The following CPNE4 variants were observed in gnomAD, a reference collection of about 807,000 sequenced individuals.
CPNE4 encodes copine-4.
CPNE4 carries 25 observed loss-of-function variants against 67.9 expected under a neutral mutation model. The ratio of observed to expected loss-of-function variants is 0.37; its 90% CI spans 0.27 to 0.51. The LOEUF is 0.51. Ranked by LOEUF, CPNE4 falls within the 20% of genes least tolerant of loss-of-function variation. CPNE4 has a pLI of 0.93. For synonymous variants in CPNE4, 242 were observed against 244.9 expected (o/e 0.99, Z 0.11); for missense variants, 464 against 690.8 (o/e 0.67, Z 3.68).
chr3:131,954,998 C>T lies in CPNE4; in HGVS notation c.-1-49554G>A, dbSNP rs147766118. Among the ~76,000 whole-genome samples the T allele has an allele frequency of 8.3e-3, 1,238 of 149,692 alleles. 10 individuals are homozygous for T. The highest frequency in any genetic ancestry group is 0.012 in the Non-Finnish European group (793 of 67,578). On this transcript the variant is annotated intron_variant, in intron 1 of 15. Coordinates refer to ENST00000429747, the MANE Select transcript of CPNE4 (RefSeq NM_130808.3). ...AAAAAAAAAAAGAATTCCTTCTTCACAGATACGCACACCAATTTCAGCTGA... is the reference window on the plus strand; with the variant it reads ...AAAAAAAAAAAGAATTCCTTCTTCATAGATACGCACACCAATTTCAGCTGA...
intron 1 of CPNE4, among the ~76,000 whole-genome samples, chr3:131,934,081 C>T (rs1337453427): frequency 6.6e-6 from 1 of 152,016 alleles, no homozygotes; most frequent in Non-Finnish European, 1.5e-5. Context: ...AGAAGGGAGG[C>T]ACTGCAAAGG....
At chr3:131,656,053 C>CTTT (rs11360041) in intron 7 of CPNE4, among the ~76,000 whole-genome samples, 4 of 131,660 alleles carry the variant, frequency 3.0e-5, no homozygotes, top group South Asian at 2.4e-4. Flanking sequence ...AATACTGTTT[C>CTTT]TTTTTTTTTT....
intron 2 of CPNE4, among the ~76,000 whole-genome samples, chr3:131,728,096 C>T (rs746336447): frequency 6.6e-5 from 10 of 152,144 alleles, no homozygotes; most frequent in Non-Finnish European, 1.5e-4. Flanking sequence ...TTTTGCTTAA[C>T]TTTTTAAGTT....
At chr3:131,779,762 A>G (rs911413688) in intron 2 of CPNE4, among the ~76,000 whole-genome samples, 3 of 152,132 alleles carry the variant, frequency 2.0e-5, no homozygotes, top group Non-Finnish European at 4.4e-5. Context: ...TCCATTCTGG[A>G]CATTGACTTG....
intron 3 of CPNE4, among the ~76,000 whole-genome samples, chr3:131,708,584 A>G (rs2081471769): frequency 6.6e-6 from 1 of 152,092 alleles, no homozygotes; most frequent in Non-Finnish European, 1.5e-5. Context: ...CTGTACCCTC[A>G]GCCTCTGAAT....
chr3:131,878,848 C>A (rs1437227594), intron 2 of CPNE4, among the ~76,000 whole-genome samples: 1 of 152,222 alleles, frequency 6.6e-6, no homozygotes, highest in Non-Finnish European at 1.5e-5. Context: ...TTCACTCATG[C>A]AATGAAATAT....
intron 7 of CPNE4, among the ~76,000 whole-genome samples, chr3:131,625,720 A>T (rs1427122991): frequency 9.2e-5 from 14 of 152,186 alleles, no homozygotes; most frequent in Admixed American, 9.2e-4. Flanking sequence ...ATATATATCT[A>T]TAAAGGTTAA....
chr3:131,750,501 T>C (rs942121207), intron 2 of CPNE4, among the ~76,000 whole-genome samples: 4 of 152,312 alleles, frequency 2.6e-5, no homozygotes, highest in Non-Finnish European at 2.9e-5. Flanking sequence ...AGGTATTACA[T>C]TGTATATACC....
At chr3:131,762,479 G>A (rs1269782558) in intron 2 of CPNE4, among the ~76,000 whole-genome samples, 24 of 151,966 alleles carry the variant, frequency 1.6e-4, no homozygotes, top group Admixed American at 1.5e-3. Context: ...TCATTTGCTT[G>A]TTCATCCATT....
chr3:132,002,328 G>C (rs939486866), intron 1 of CPNE4, among the ~76,000 whole-genome samples: 5 of 152,112 alleles, frequency 3.3e-5, no homozygotes, highest in Admixed American at 2.0e-4. Context: ...AGGAACTAAG[G>C]CTCTCATTAA....
At chr3:131,653,143 CTTTTTTTTTTT>C (rs1206489252) in intron 7 of CPNE4, among the ~76,000 whole-genome samples, 1 of 98,614 alleles carries the variant, frequency 1.0e-5, no homozygotes, top group African/African-American at 4.2e-5. Flanking sequence ...GATAGGACTT[CTTTTTTTTTTT>C]TTTTTTTTTT....
intron 3 of CPNE4, among the ~76,000 whole-genome samples, chr3:131,710,224 A>G (rs1282367615): frequency 6.6e-6 from 1 of 152,170 alleles, no homozygotes. Flanking sequence ...TTATTTTCAG[A>G]TTATTGTTAC....
chr3:131,894,021 G>A (rs1031873113), intron 2 of CPNE4, among the ~76,000 whole-genome samples: 8 of 151,886 alleles, frequency 5.3e-5, no homozygotes, highest in African/African-American at 1.4e-4. Flanking sequence ...TCAGTGAAAT[G>A]AAGTCACTTT....
chr3:131,535,300 C>T lies in CPNE4; in HGVS notation c.1569G>A (p.Val523=). The T allele has an allele frequency of 2.5e-6, 4 of 1,613,752 alleles. No homozygotes were observed. The highest frequency in any genetic ancestry group is 3.4e-6 in the Non-Finnish European group (4 of 1,179,954). The part of the protein sequence containing the change: ...HASPAALAKS[V]LAEVPNQVVD... ...CAACTTGGTTTGGGACTTCAGCCAG[C>T]ACGCTCTTTGCCAGGGCAGCTGGAG... Residue 523 remains valine, a synonymous_variant, in exon 16 of 16, where the codon GTG becomes GTA. Coordinates refer to ENST00000429747, the MANE Select transcript of CPNE4 (RefSeq NM_130808.3).
intron 2 of CPNE4, among the ~76,000 whole-genome samples, chr3:131,885,174 G>A (rs749905383): frequency 2.0e-5 from 3 of 152,112 alleles, no homozygotes; most frequent in Non-Finnish European, 4.4e-5. Context: ...TCCAGGCTGA[G>A]GTGGTCTCAA....
intron 5 of CPNE4, 120 bp from the exon 6 acceptor site, chr3:131,686,078 G>A (rs2080881471): frequency 3.2e-6 from 2 of 626,196 alleles, no homozygotes; most frequent in South Asian, 3.9e-5. Context: ...ATATGTGGAA[G>A]GGAGGCCATG....
intron 7 of CPNE4, among the ~76,000 whole-genome samples, chr3:131,648,796 A>G (rs533010442): frequency 1.6e-4 from 24 of 152,210 alleles, no homozygotes; most frequent in Non-Finnish European, 3.2e-4. Flanking sequence ...GGCAGGTACT[A>G]TTATCTCCAT....
chr3:131,881,957 T>C (rs2087687585), intron 2 of CPNE4, among the ~76,000 whole-genome samples: 1 of 152,226 alleles, frequency 6.6e-6, no homozygotes, highest in Non-Finnish European at 1.5e-5. Flanking sequence ...AATATTTTTC[T>C]TCCTACTAAG....
chr3:131,683,873 A>T (rs2080819581), intron 6 of CPNE4, among the ~76,000 whole-genome samples: 2 of 152,094 alleles, frequency 1.3e-5, no homozygotes, highest in South Asian at 4.1e-4. Context: ...GGACTGGTTT[A>T]AATTCTTCCT....
Sources: allele counts gnomAD v4.1 joint callset (sites outside exome capture counted in the v4.1 genomes callset), GRCh38; gene constraint gnomAD v4.1.1; transcripts MANE v1.5; gene names NCBI Gene and HGNC (gene_info 2026-07-23, HGNC 2026-07-21).